Variants in SNRNP40 observed in about 807,000 individuals in gnomAD.
The protein encoded by SNRNP40 is small nuclear ribonucleoprotein U5 subunit 40, also known as U5 small nuclear ribonucleoprotein 40 kDa protein.
In SNRNP40, 21 loss-of-function variants were observed where a neutral mutation model predicts 45.8. That is an observed-to-expected ratio of 0.46 (90% confidence interval 0.32 to 0.66). The LOEUF is 0.66. Among genes scored for constraint, SNRNP40 ranks in the 30% least tolerant of loss-of-function variants. The pLI, the probability that SNRNP40 is intolerant of heterozygous loss-of-function variation, is 0.03. For missense variants in SNRNP40, 344 were observed against 439.1 expected (o/e 0.78, Z 1.94); for synonymous variants, 142 against 163.8 (o/e 0.87, Z 1.01).
At chr1:31,268,418 G>A (rs542476779) in intron 7 of SNRNP40, among the ~76,000 whole-genome samples, 1 of 151,732 alleles carries the variant, frequency 6.6e-6, no homozygotes, top group South Asian at 2.1e-4. Flanking sequence ...AAGCAGCTGA[G>A]ACTGCAGGCA....
chr1:31,283,422 G>A (rs1646034224), intron 4 of SNRNP40, among the ~76,000 whole-genome samples: 1 of 152,158 alleles, frequency 6.6e-6, no homozygotes, highest in African/African-American at 2.4e-5. Flanking sequence ...GGCTAACATG[G>A]TAAAACCTTG....
Position 31,291,975 on chromosome 1 carries a change from G to A in SNRNP40, c.303C>T (p.Asn101=). Residue 101 remains asparagine (N), a synonymous_variant, in exon 3 of 10, where the codon AAC becomes AAT. Transcript: ENST00000263694. ...CACTGTGTCCCTTCAGTGTGGCATA[G>A]TTATCACAGTCACCATAGACATTCC... ...LLWNVYGDCD[N]YATLKGHSGA... The A allele has an allele frequency of 4.3e-6, 7 of 1,612,774 alleles. No individual in the cohort carries two copies. The highest frequency in any genetic ancestry group is 5.9e-6 in the Non-Finnish European group (7 of 1,178,768).
chr1:31,265,209 CA>C (rs1645887872), intron 8 of SNRNP40, among the ~76,000 whole-genome samples: 1 of 152,152 alleles, frequency 6.6e-6, no homozygotes, highest in African/African-American at 2.4e-5. Flanking sequence ...ACTATATCCT[CA>C]AACTCCTGGG....
At chr1:31,296,512 GC>G in intron 1 of SNRNP40, 98 bp downstream of exon 1, 1 of 1,406,608 alleles carries the variant, frequency 7.1e-7, no homozygotes. Flanking sequence ...CTCTCGTTCT[GC>G]CCCCGCAATG....
At chr1:31,283,194 T>C (rs988425038) in intron 4 of SNRNP40, among the ~76,000 whole-genome samples, 1 of 152,204 alleles carries the variant, frequency 6.6e-6, no homozygotes, top group African/African-American at 2.4e-5. Flanking sequence ...TTCTTGTTGT[T>C]GTAGGTAATT....
chr1:31,277,123 G>C (rs1380961923), intron 5 of SNRNP40, among the ~76,000 whole-genome samples: 1 of 152,140 alleles, frequency 6.6e-6, no homozygotes, highest in Admixed American at 6.5e-5. Context: ...CTTGAGCCCA[G>C]AAGGTCATGG....
Position 31,271,396 on chromosome 1 carries a change from T to C in SNRNP40, c.758A>G (p.Asn253Ser), listed in dbSNP as rs901099114. The C allele has an allele frequency of 8.1e-6, 13 of 1,613,072 alleles. No individual in the cohort carries two copies. The highest frequency in any genetic ancestry group is 4.0e-5 in the African/African-American group (3 of 74,880). The change falls in exon 6 of 10, where the codon AAT (asparagine) becomes AGT (serine). Residue 253 changes from asparagine to serine, a missense_variant. Asn to Ser is a conservative substitution (Grantham distance 46). Around this residue, in one of 2 missense-constraint regions of SNRNP40, gnomAD observed 254 missense variants for 380.2 expected, o/e 0.67. Coordinates refer to ENST00000263694, the MANE Select transcript of SNRNP40 (RefSeq NM_004814.3). ...LSSEGSYLLS[N>S]AMDNTVRVWD... ...AAAGTTACCTGTATTGTCCATTGCATTGGACAAAAGATAAGAGCCTTCAGA... is the reference window on the plus strand; with the variant it reads ...AAAGTTACCTGTATTGTCCATTGCACTGGACAAAAGATAAGAGCCTTCAGA...
At chr1:31,280,807 C>T (rs1451350243) in intron 5 of SNRNP40, among the ~76,000 whole-genome samples, 1 of 150,642 alleles carries the variant, frequency 6.6e-6, no homozygotes, top group Admixed American at 6.6e-5. Context: ...ACCATTCACA[C>T]AAGAAAAAGA....
At chr1:31,260,759 G>C (rs756289647) in intron 9 of SNRNP40, among the ~76,000 whole-genome samples, 1 of 151,196 alleles carries the variant, frequency 6.6e-6, no homozygotes, top group Non-Finnish European at 1.5e-5. Flanking sequence ...CTACTTGGGA[G>C]GCTGAGGCAG....
intron 4 of SNRNP40, among the ~76,000 whole-genome samples, chr1:31,287,193 C>T (rs113012504): frequency 0.023 from 3,465 of 152,212 alleles, 119 homozygotes; most frequent in African/African-American, 0.078. Flanking sequence ...GAACACAAAG[C>T]ATTCCAACTT....
intron 4 of SNRNP40, 200 bp from the exon 5 acceptor site, chr1:31,281,696 G>C: frequency 2.5e-6 from 1 of 402,912 alleles, no homozygotes; most frequent in Non-Finnish European, 4.4e-6. Flanking sequence ...GAAGGCTGGT[G>C]AAACAAAACT....
chr1:31,261,657 G>A, intron 8 of SNRNP40, 25 bp from the exon 9 acceptor site: 1 of 1,518,800 alleles, frequency 6.6e-7, no homozygotes, highest in South Asian at 1.1e-5. Context: ...GAAAAGCAAG[G>A]GTAAGTCCTC....
chr1:31,293,766 G>A (rs887753155), intron 1 of SNRNP40, among the ~76,000 whole-genome samples: 118 of 152,088 alleles, frequency 7.8e-4, no homozygotes, highest in African/African-American at 2.5e-3. Context: ...AGTTTTTGTG[G>A]AGATGAGGTC....
rs1646131108 is a variant in SNRNP40 at position 31,294,904 on chromosome 1, T to A, written c.142-1556A>T. ...TTGCGGTGCACCGAGATTGCGCCAC[T>A]CCACTCCAGCCTGGGTGACAAGAGC... On this transcript the variant is annotated intron_variant, in intron 1 of 9. Transcript: ENST00000263694. 2.7e-5 allele frequency among the ~76,000 whole-genome samples: 4 copies of A among 146,302 alleles called. No homozygotes were observed. The South Asian group carries it at 8.8e-4, about 32-fold the overall frequency.
intron 8 of SNRNP40, chr1:31,263,809 A>C (rs1569632329): frequency 3.9e-5 from 8 of 202,636 alleles, no homozygotes. Flanking sequence ...GTTCCTGACC[A>C]CCTCTTCAGT....
At chr1:31,289,440 T>A in intron 3 of SNRNP40, 21 bp from the exon 4 acceptor site, 1 of 1,599,182 alleles carries the variant, frequency 6.3e-7, no homozygotes, top group Non-Finnish European at 8.5e-7. Flanking sequence ...AGAGAAAGAA[T>A]AAAAAAGAAA....
intron 4 of SNRNP40, 136 bp from the exon 5 acceptor site, chr1:31,281,632 G>T: frequency 3.0e-6 from 2 of 675,394 alleles, no homozygotes; most frequent in Non-Finnish European, 2.2e-6. Context: ...CTAACTCCTG[G>T]ATATCCTAAT....
intron 3 of SNRNP40, among the ~76,000 whole-genome samples, 193 bp downstream of exon 3, chr1:31,291,720 G>C (rs898465915): frequency 6.6e-6 from 1 of 152,148 alleles, no homozygotes; most frequent in Non-Finnish European, 1.5e-5. Context: ...TGAAATGACC[G>C]ATGTAACATC....
At chr1:31,289,112 A>C (rs1350904269) in intron 4 of SNRNP40, 142 bp downstream of exon 4, 1 of 639,122 alleles carries the variant, frequency 1.6e-6, no homozygotes, top group African/African-American at 1.8e-5. Flanking sequence ...TTTATTTTAA[A>C]TGGGGAAAAA....
Sources: gnomAD v4.1 joint callset for allele counts (sites outside exome capture counted in the v4.1 genomes callset) on GRCh38, gnomAD v4.1.1 for gene constraint, gnomAD v4.1.1 regional missense constraint, MANE v1.5 for transcripts, NCBI Gene and HGNC (gene_info 2026-07-23, HGNC 2026-07-21) for gene names.